DENND4C: variants seen among roughly 807,000 people sequenced by gnomAD.
DENND4C encodes DENN domain containing 4C.
A neutral mutation model predicts 203.0 loss-of-function variants in DENND4C; 108 were observed. That is an observed-to-expected ratio of 0.53 (90% CI 0.46 to 0.62). The LOEUF (loss-of-function observed/expected upper bound fraction) is 0.62, where lower values mean the gene tolerates loss of function less well. Ranked by LOEUF, DENND4C falls within the 20% of genes least tolerant of loss-of-function variation. The probability of loss-of-function intolerance (pLI) is 0.00; values close to 1 mark genes in which losing one functional copy is unlikely to be tolerated. For synonymous variants in DENND4C, 871 were observed against 792.4 expected (o/e 1.10, Z -1.67); for missense variants, 2,481 against 2,301.2 (o/e 1.08, Z -1.60).
rs898443767 is a variant in DENND4C at position 19,316,510 on chromosome 9, G to A, written c.1581G>A (p.Leu527=). ...LSTLKKLYPQ[L]SSVHQKTQEG... The stretch of plus-strand genomic sequence containing the variant: ...CCTTAAAGAAATTGTATCCCCAGCT[G>A]TCTTCAGGTAATGTGAGGGAAAAGG... The change falls in exon 11 of 33, where the codon CTG becomes CTA. Residue 527 remains leucine, a synonymous_variant. Transcript: ENST00000434457. 1.2e-6 allele frequency: 2 copies of A among 1,612,470 alleles called. No individual in the cohort carries two copies. Among genetic ancestry groups the A allele is most frequent in the Admixed American group, 1.7e-5 (1 of 59,756 alleles).
At chr9:19,302,972 A>G (rs1475035563) in intron 9 of DENND4C, among the ~76,000 whole-genome samples, 2 of 149,486 alleles carry the variant, frequency 1.3e-5, no homozygotes, top group Non-Finnish European at 3.0e-5. Flanking sequence ...TCTGAACTCT[A>G]ATGTCCTTTA....
intron 18 of DENND4C, 119 bp from the exon 19 acceptor site, chr9:19,336,151 G>A (rs1820412118): frequency 2.2e-6 from 2 of 900,232 alleles, no homozygotes; most frequent in African/African-American, 1.8e-5. Context: ...CTCTTGGCCA[G>A]TATAACTTTT....
intron 1 of DENND4C, among the ~76,000 whole-genome samples, chr9:19,274,205 AT>A (rs1349895955): frequency 6.6e-6 from 1 of 152,050 alleles, no homozygotes; most frequent in Non-Finnish European, 1.5e-5. Flanking sequence ...CTAGAAACTT[AT>A]CTATAATGAT....
intron 10 of DENND4C, among the ~76,000 whole-genome samples, chr9:19,309,708 G>A (rs1446747602): frequency 2.7e-5 from 4 of 150,858 alleles, no homozygotes; most frequent in African/African-American, 9.8e-5. Context: ...AATTACATTG[G>A]GATTTTTGTT....
At chr9:19,256,315 T>G (rs1460577810) in intron 1 of DENND4C, among the ~76,000 whole-genome samples, 16 of 120,394 alleles carry the variant, frequency 1.3e-4, no homozygotes, top group East Asian at 2.5e-4. Flanking sequence ...TTTTGTTTTT[T>G]TTTTTTTTTT....
Position 19,350,825 on chromosome 9 carries a change from A to C in DENND4C, c.4441A>C (p.Ser1481Arg). The change falls in exon 24 of 33, where the codon AGT becomes CGT. Residue 1481 changes from serine to arginine, a missense_variant. Ser to Arg is a moderately radical substitution (Grantham distance 110). Coordinates refer to ENST00000434457, the MANE Select transcript of DENND4C (RefSeq NM_001330640.2). ...VPSELTQSNT[S>R]LGSSSSSGDV... ...CAGTGAACTTACCCAGAGCAACACAAGTCTTGGCAGTAGCAGCAGTAGTGG... is the reference window on the plus strand; with the variant it reads ...CAGTGAACTTACCCAGAGCAACACACGTCTTGGCAGTAGCAGCAGTAGTGG... The C allele has an allele frequency of 6.2e-7, 1 of 1,614,112 alleles. No homozygotes were observed. Among genetic ancestry groups the C allele is most frequent in the South Asian group, 1.1e-5 (1 of 91,070 alleles).
chr9:19,355,458 T>C (rs1825185394), intron 26 of DENND4C, among the ~76,000 whole-genome samples: 1 of 152,222 alleles, frequency 6.6e-6, no homozygotes, highest in Non-Finnish European at 1.5e-5. Flanking sequence ...TATTCTACTT[T>C]TTATATATGA....
intron 6 of DENND4C, among the ~76,000 whole-genome samples, chr9:19,297,418 G>A (rs1412933506): frequency 6.6e-6 from 1 of 152,106 alleles, no homozygotes; most frequent in South Asian, 2.1e-4. Context: ...ATAGTTCTGG[G>A]TTTAACTTTC....
intron 30 of DENND4C, among the ~76,000 whole-genome samples, chr9:19,362,496 CT>C (rs1243162813): frequency 6.6e-6 from 1 of 151,332 alleles, no homozygotes; most frequent in Non-Finnish European, 1.5e-5. Context: ...AATTATTTTG[CT>C]TTATTTTTAA....
At chr9:19,319,335 TACAC>T (rs1842408847) in intron 12 of DENND4C, among the ~76,000 whole-genome samples, 1 of 6,586 alleles carries the variant, frequency 1.5e-4, no homozygotes, top group African/African-American at 2.3e-4. Flanking sequence ...TACATATATA[TACAC>T]ATATATATAT....
chr9:19,238,002 G>A (rs1366408298), intron 1 of DENND4C, among the ~76,000 whole-genome samples: 1 of 151,958 alleles, frequency 6.6e-6, no homozygotes, highest in African/African-American at 2.4e-5. Context: ...GAAATATGAG[G>A]TCAGGGTGTC....
chr9:19,280,769 T>C (rs898346873), intron 2 of DENND4C, among the ~76,000 whole-genome samples: 1 of 152,064 alleles, frequency 6.6e-6, no homozygotes, highest in African/African-American at 2.4e-5. Context: ...AGACAGTGTC[T>C]CACTGTGGTT....
chr9:19,231,641 G>A (rs577456455), intron 1 of DENND4C, among the ~76,000 whole-genome samples: 3 of 151,032 alleles, frequency 2.0e-5, no homozygotes, highest in Admixed American at 6.6e-5. Context: ...TTTTTAAATA[G>A]TACCGCCTCC....
chr9:19,300,520 C>G (rs1487198572), intron 9 of DENND4C, among the ~76,000 whole-genome samples, 189 bp downstream of exon 9: 1 of 152,010 alleles, frequency 6.6e-6, no homozygotes, highest in Non-Finnish European at 1.5e-5. Context: ...ATAAAGAAAA[C>G]AAAGGTGATT....
At chr9:19,296,351 G>C in intron 6 of DENND4C, 105 bp downstream of exon 6, 1 of 752,210 alleles carries the variant, frequency 1.3e-6, no homozygotes, top group Non-Finnish European at 2.1e-6. Flanking sequence ...AAGGAAGCCT[G>C]CATTTAACTG....
chr9:19,309,278 C>T (rs890376275), intron 10 of DENND4C, among the ~76,000 whole-genome samples: 21 of 152,078 alleles, frequency 1.4e-4, no homozygotes, highest in African/African-American at 4.1e-4. Context: ...CAAAACTAGC[C>T]GGGCATGGTG....
At chr9:19,355,823 A>G (rs1563836822) in intron 26 of DENND4C, among the ~76,000 whole-genome samples, 2 of 152,174 alleles carry the variant, frequency 1.3e-5, no homozygotes, top group Non-Finnish European at 2.9e-5. Context: ...GATTAATGTG[A>G]GGAAAATTGA....
chr9:19,318,463 C>G (rs1253271757), intron 12 of DENND4C, among the ~76,000 whole-genome samples: 1 of 152,072 alleles, frequency 6.6e-6, no homozygotes, highest in Non-Finnish European at 1.5e-5. Context: ...TTAAAATATT[C>G]ATGATAACAG....
chr9:19,299,461 A>G (rs765642205), intron 8 of DENND4C, among the ~76,000 whole-genome samples, 174 bp downstream of exon 8: 9 of 152,136 alleles, frequency 5.9e-5, no homozygotes, highest in African/African-American at 1.9e-4. Flanking sequence ...AACTGGGTGG[A>G]TGGTGGGGCT....
Sources: gnomAD v4.1 joint callset for allele counts (sites outside exome capture counted in the v4.1 genomes callset) on GRCh38, gnomAD v4.1.1 for gene constraint, MANE v1.5 for transcripts, NCBI Gene and HGNC (gene_info 2026-07-23, HGNC 2026-07-21) for gene names.